KIF26B: variants seen among roughly 807,000 people sequenced by gnomAD.
KIF26B encodes the protein kinesin family member 26B, also known as kinesin-like protein KIF26B.
Under a neutral mutation model 151.2 loss-of-function variants are expected in KIF26B, and 63 were observed. The ratio of observed to expected loss-of-function variants is 0.42; its 90% CI spans 0.34 to 0.51. The LOEUF is 0.51. Ranked by LOEUF, KIF26B falls within the 20% of genes least tolerant of loss-of-function variation. KIF26B has a pLI of 0.07. For synonymous variants in KIF26B, 1,357 were observed against 1,262.1 expected, an observed-to-expected ratio of 1.08 and a Z score of -1.59; for missense variants, 2,813 against 2,913.6, an observed-to-expected ratio of 0.97 and a Z score of 0.79.
intron 4 of KIF26B, among the ~76,000 whole-genome samples, chr1:245,423,114 AAG>A (rs1300380504): frequency 6.1e-5 from 9 of 147,246 alleles, no homozygotes; most frequent in Non-Finnish European, 9.0e-5. Context: ...AAAAAAAAAA[AAG>A]GAAAGAAAGA....
Position 245,156,378 on chromosome 1 carries a change from C to T in KIF26B, c.160C>T (p.Pro54Ser). 6.5e-7 allele frequency: 1 copy of T among 1,543,604 alleles called. No individual in the cohort carries two copies. The highest frequency in any genetic ancestry group is 8.7e-7 in the Non-Finnish European group (1 of 1,144,652). Residue 54 changes from proline (P) to serine (S), a missense_variant, in exon 2 of 15, where the codon CCC becomes TCC. Physicochemically the swap from Pro to Ser is moderately conservative, Grantham distance 74. Transcript: ENST00000407071. ...AYEESRAGSR[P>S]TPEGAGSALG... The stretch of plus-strand genomic sequence containing the variant: ...CGAGGAGTCGCGCGCCGGCAGCCGG[C>T]CCACTCCTGAGGGCGCGGGCTCAGC...
intron 2 of KIF26B, among the ~76,000 whole-genome samples, chr1:245,195,658 T>G (rs576484059): frequency 6.6e-6 from 1 of 152,210 alleles, no homozygotes; most frequent in Non-Finnish European, 1.5e-5. Flanking sequence ...AGGCTGAGCA[T>G]GTCGAGTGCC....
intron 2 of KIF26B, among the ~76,000 whole-genome samples, chr1:245,163,895 ACT>A (rs1668571854): frequency 6.6e-6 from 1 of 152,142 alleles, no homozygotes; most frequent in Non-Finnish European, 1.5e-5. Context: ...AAAAATTGGT[ACT>A]CTTGGATTTT....
At chr1:245,544,345 C>T (rs997916506) in intron 5 of KIF26B, among the ~76,000 whole-genome samples, 4 of 152,130 alleles carry the variant, frequency 2.6e-5, no homozygotes, top group Non-Finnish European at 5.9e-5. Context: ...TTAAACCTGA[C>T]CTGGAGTCTC....
At chr1:245,189,842 G>A (rs1228656959) in intron 2 of KIF26B, among the ~76,000 whole-genome samples, 1 of 152,222 alleles carries the variant, frequency 6.6e-6, no homozygotes, top group East Asian at 1.9e-4. Flanking sequence ...AGTTCCATGT[G>A]GCTGGGGAGG....
intron 2 of KIF26B, among the ~76,000 whole-genome samples, chr1:245,344,213 C>T (rs752305825): frequency 1.3e-5 from 2 of 151,066 alleles, no homozygotes; most frequent in Admixed American, 6.6e-5. Context: ...TTTTCTCTCC[C>T]TGTTTCTCTG....
chr1:245,685,992 G>C lies in KIF26B; in HGVS notation c.3009G>C (p.Arg1003Ser). ...AACTCCCAGCCTCCAAGATGCAGAG[G>C]AGTCACTCACCTGTGCCCGCCGCGG... is the stretch of plus-strand genomic sequence containing the variant. ...GPELPASKMQ[R>S]SHSPVPAAAP... Residue 1003 changes from arginine to serine, a missense_variant, in exon 12 of 15, where the codon AGG (arginine) becomes AGC (serine). This residue lies in a region of KIF26B where 2,060 missense variants were observed against 2,088.6 expected (regional missense o/e 0.99). Transcript: ENST00000407071. 1 of 1,594,540 alleles carries C rather than the reference G, an allele frequency of 6.3e-7. No homozygotes were observed. Among genetic ancestry groups the C allele is most frequent in the South Asian group, 1.1e-5 (1 of 88,634 alleles).
intron 2 of KIF26B, among the ~76,000 whole-genome samples, chr1:245,246,920 C>G (rs915612791): frequency 2.7e-5 from 4 of 150,238 alleles, no homozygotes; most frequent in Admixed American, 6.7e-5. Flanking sequence ...CACAGACACA[C>G]ACAGACACAG....
intron 2 of KIF26B, among the ~76,000 whole-genome samples, chr1:245,340,366 T>A (rs1672312021): frequency 6.6e-6 from 1 of 151,482 alleles, no homozygotes. Context: ...GGAAAAAAAC[T>A]CTGTACGTGT....
chr1:245,424,426 T>G (rs1658573487), intron 4 of KIF26B, among the ~76,000 whole-genome samples: 1 of 152,190 alleles, frequency 6.6e-6, no homozygotes, highest in African/African-American at 2.4e-5. Context: ...GAGTATTGTT[T>G]TGATTGACTA....
At chr1:245,164,535 G>A (rs57544113) in intron 2 of KIF26B, among the ~76,000 whole-genome samples, 2,334 of 152,326 alleles carry the variant, frequency 0.015, 64 homozygotes, top group African/African-American at 0.052. Context: ...AAGCGTAAGC[G>A]TTCCAGCCAC....
At position 245,318,630 on chromosome 1, in the gene KIF26B, G is replaced by A. The variant is rs1342757706; in HGVS notation, c.466-48204G>A. On this transcript the variant is annotated intron_variant, in intron 2 of 14. Transcript: ENST00000407071. The surrounding 1 kb of genome is among the most constrained non-coding windows in gnomAD (Gnocchi z 4.0). ...GCGACTCCCTAAGTTCATAGGGAAA[G>A]CAGCAAGGATGAGTTCGGGAGACTC... Among the ~76,000 whole-genome samples the A allele has an allele frequency of 6.6e-6, 1 of 152,164 alleles. No homozygotes were observed. The highest frequency in any genetic ancestry group is 1.5e-5 in the Non-Finnish European group (1 of 68,030).
intron 2 of KIF26B, among the ~76,000 whole-genome samples, chr1:245,213,479 G>C (rs1156244237): frequency 2.0e-5 from 3 of 152,200 alleles, no homozygotes; most frequent in Non-Finnish European, 4.4e-5. Flanking sequence ...AGAGATCGCT[G>C]GTGGAGTTCA....
intron 12 of KIF26B, among the ~76,000 whole-genome samples, chr1:245,696,571 T>G (rs1379519816): frequency 6.6e-6 from 1 of 150,834 alleles, no homozygotes; most frequent in Non-Finnish European, 1.5e-5. Flanking sequence ...AAGCTAGAGT[T>G]GAGGCACACA....
At chr1:245,183,817 A>C (rs1353859034) in intron 2 of KIF26B, among the ~76,000 whole-genome samples, 4 of 152,174 alleles carry the variant, frequency 2.6e-5, no homozygotes, top group Middle Eastern at 6.8e-3. Context: ...CAAATTAAGC[A>C]TCAGAGAAAG....
chr1:245,316,751 G>A (rs1671784938), intron 2 of KIF26B, among the ~76,000 whole-genome samples: 1 of 148,254 alleles, frequency 6.7e-6, no homozygotes, highest in Admixed American at 6.7e-5. Context: ...TACTGATTTG[G>A]TACAATTGCT....
chr1:245,326,169 G>A (rs1439511643), intron 2 of KIF26B, among the ~76,000 whole-genome samples: 1 of 152,124 alleles, frequency 6.6e-6, no homozygotes, highest in Non-Finnish European at 1.5e-5. Context: ...ACTGAGCACC[G>A]TTGCAGTCAA....
At chr1:245,678,651 C>T (rs1010928514) in intron 10 of KIF26B, among the ~76,000 whole-genome samples, 7 of 152,052 alleles carry the variant, frequency 4.6e-5, no homozygotes, top group Non-Finnish European at 1.0e-4. Context: ...ATCACGAGGT[C>T]AGGAGATTGA....
intron 4 of KIF26B, among the ~76,000 whole-genome samples, chr1:245,424,164 A>G (rs1658567163): frequency 6.6e-6 from 1 of 151,552 alleles, no homozygotes; most frequent in South Asian, 2.1e-4. Context: ...TCATTTATTT[A>G]TTTTTGAGAT....
Sources: allele counts gnomAD v4.1 joint callset (sites outside exome capture counted in the v4.1 genomes callset), GRCh38; gene constraint gnomAD v4.1.1; regional missense constraint gnomAD v4.1.1; non-coding constraint Gnocchi (gnomAD v3.1); transcripts MANE v1.5; gene names NCBI Gene and HGNC (gene_info 2026-07-23, HGNC 2026-07-21).